Variants in SMARCA4 observed in about 807,000 individuals in gnomAD.
SMARCA4 encodes SWI/SNF related BAF chromatin remodeling complex subunit ATPase 4.
In SMARCA4, 31 loss-of-function variants were observed where a neutral mutation model predicts 193.9. That is an observed-to-expected ratio of 0.16 (90% confidence interval 0.12 to 0.22). The LOEUF (loss-of-function observed/expected upper bound fraction) is 0.22. Ranked by LOEUF, SMARCA4 falls within the 10% of genes least tolerant of loss-of-function variation. The pLI is 1.00. For missense variants in SMARCA4, 1,148 were observed against 2,296.0 expected (o/e 0.50, Z 10.22); for synonymous variants, 942 against 933.1 (o/e 1.01, Z -0.17).
intron 22 of SMARCA4, 30 bp downstream of exon 22, chr19:11,025,538 GC>G (rs770888164): frequency 1.7e-5 from 26 of 1,549,754 alleles, no homozygotes; most frequent in Non-Finnish European, 2.0e-5. Context: ...GACGGCTCAG[GC>G]CCTGCTGTCT....
chr19:11,062,244 A>T lies in SMARCA4; in HGVS notation c.*428A>T. 1 of 282,836 alleles carries T rather than the reference A, an allele frequency of 3.5e-6. No homozygotes were observed. The highest frequency in any genetic ancestry group is 4.8e-5 in the Admixed American group (1 of 20,812). The allele number at this position is 282,836 out of a possible 1,614,324, so 17.5% of individuals were successfully genotyped here. A position where few individuals can be genotyped will look rare whatever the true frequency, so the allele number is the denominator to read the frequency against. ...GGGTATGTCAGTGTCACTGGATGTC[A>T]AACAGTAATAAATTAAACCAACAAC... On this transcript the variant is annotated 3_prime_UTR_variant, in exon 35 of 35. Coordinates refer to ENST00000344626, the MANE Select transcript of SMARCA4 (RefSeq NM_003072.5).
chr19:10,997,300 G>C (rs551398189), intron 11 of SMARCA4, among the ~76,000 whole-genome samples: 2 of 152,076 alleles, frequency 1.3e-5, no homozygotes, highest in African/African-American at 4.8e-5. Flanking sequence ...CTGGGTTCAC[G>C]CCATTCTCCT....
chr19:10,988,073 C>A, intron 6 of SMARCA4, 149 bp downstream of exon 6: 1 of 740,262 alleles, frequency 1.4e-6, no homozygotes. Context: ...CACCTCCCTG[C>A]TCCCACCCTG....
intron 30 of SMARCA4, among the ~76,000 whole-genome samples, chr19:11,042,637 A>C (rs1195732909): frequency 2.0e-5 from 3 of 152,218 alleles, no homozygotes; most frequent in Non-Finnish European, 4.4e-5. Context: ...GAATCTTACC[A>C]AGTGTGAAGT....
chr19:11,002,707 T>C (rs2146084174), intron 11 of SMARCA4, among the ~76,000 whole-genome samples: 1 of 148,530 alleles, frequency 6.7e-6, no homozygotes, highest in South Asian at 2.1e-4. Flanking sequence ...GGCAGAGAAT[T>C]GCTTGAACCC....
At chr19:10,978,708 T>G (rs1239895030) in intron 1 of SMARCA4, among the ~76,000 whole-genome samples, 2 of 151,610 alleles carry the variant, frequency 1.3e-5, no homozygotes, top group South Asian at 4.2e-4. Flanking sequence ...TGGAGGCTGA[T>G]GCAGGTGGAT....
intron 29 of SMARCA4, 123 bp downstream of exon 29, chr19:11,035,255 C>CCA: frequency 2.2e-6 from 2 of 890,558 alleles, no homozygotes; most frequent in Non-Finnish European, 3.6e-6. Flanking sequence ...CACTCCTGGC[C>CCA]AGGCTCCGCA....
intron 30 of SMARCA4, among the ~76,000 whole-genome samples, chr19:11,042,651 A>G (rs1459503663): frequency 1.3e-5 from 2 of 152,228 alleles, no homozygotes; most frequent in East Asian, 1.9e-4. Flanking sequence ...GTGAAGTTTT[A>G]GAGGATGGTA....
In SMARCA4 at chr19:11,033,322, C is replaced by T. The variant is rs200523111; in HGVS notation, c.3579C>T (p.Ile1193=). 20 of 1,613,090 alleles carry T rather than the reference C, an allele frequency of 1.2e-5. No homozygotes were observed. The East Asian group carries it at 3.6e-4, about 29-fold the overall frequency. ...DLQAQDRAHR[I]GQQNEVRVLR... is the part of the protein sequence containing the mutation. ...AAGCGCAGGACCGAGCCCACCGCAT[C>T]GGGCAGCAGAACGAGGTGCGTGTGC... Residue 1193 remains isoleucine (I), a synonymous_variant, in exon 26 of 35, where the codon ATC becomes ATT. Transcript: ENST00000344626. The surrounding 1 kb of genome is among the most constrained non-coding windows in gnomAD (Gnocchi z 9.8).
chr19:10,961,900 A>C (rs1453847050), intron 1 of SMARCA4, among the ~76,000 whole-genome samples: 2 of 150,354 alleles, frequency 1.3e-5, no homozygotes, highest in Non-Finnish European at 3.0e-5. Flanking sequence ...GGTTTTTCAG[A>C]TTAAGGCTTT....
In SMARCA4 at chr19:10,989,223, G is replaced by C. The variant is rs112237790; in HGVS notation, c.1119-94G>C. On this transcript the variant is annotated intron_variant, in intron 6 of 34. Transcript: ENST00000344626. Reference sequence around the variant, plus strand: ...ATCTCTTGCCTCATGACTAGTGCCTGCCTCTCTCGAGGGATGGGTCCCCTG... The same window carrying C: ...ATCTCTTGCCTCATGACTAGTGCCTCCCTCTCTCGAGGGATGGGTCCCCTG... 1,105 of 1,485,380 alleles carry C rather than the reference G, an allele frequency of 7.4e-4. 14 individuals carry two copies. The African/African-American group carries it at 0.013, about 17-fold the overall frequency. 92.0% of individuals were successfully genotyped at this position (1,485,380 alleles called of 1,614,324 possible).
chr19:10,976,471 T>C (rs973936457), intron 1 of SMARCA4, among the ~76,000 whole-genome samples: 7 of 152,054 alleles, frequency 4.6e-5, no homozygotes, highest in Non-Finnish European at 1.0e-4. Flanking sequence ...GCACTGTGGC[T>C]TGGGCTAGGT....
chr19:10,978,617 C>T (rs1041120751), intron 1 of SMARCA4, among the ~76,000 whole-genome samples: 2 of 151,794 alleles, frequency 1.3e-5, no homozygotes, highest in South Asian at 2.1e-4. Context: ...TGAGCCATCA[C>T]GCCCGGCCGA....
At chr19:11,007,843 A>T (rs2146186950) in intron 13 of SMARCA4, 59 bp from the exon 14 acceptor site, 1 of 1,598,492 alleles carries the variant, frequency 6.3e-7, no homozygotes, top group Non-Finnish European at 8.5e-7. Context: ...TCCCCATGGG[A>T]GTCCCGTCCC....
chr19:11,027,292 C>T (rs2090331300), intron 23 of SMARCA4, among the ~76,000 whole-genome samples: 1 of 152,172 alleles, frequency 6.6e-6, no homozygotes, highest in African/African-American at 2.4e-5. Context: ...ATCACGTCGT[C>T]CCCCTGCCAG....
intron 30 of SMARCA4, among the ~76,000 whole-genome samples, chr19:11,045,559 T>C (rs565962521): frequency 2.0e-5 from 3 of 152,164 alleles, no homozygotes; most frequent in African/African-American, 4.8e-5. Flanking sequence ...TACACCTTGG[T>C]TTTTGAAAAG....
At chr19:11,027,698 C>G (rs1000593085) in intron 23 of SMARCA4, 86 bp from the exon 24 acceptor site, 1 of 1,461,184 alleles carries the variant, frequency 6.8e-7, no homozygotes, top group South Asian at 1.1e-5. Flanking sequence ...GGCCTGGAGG[C>G]GGGCGATGCA....
chr19:11,058,424 AC>A lies in SMARCA4; in HGVS notation c.4533+66del. The A allele has an allele frequency of 8.5e-7, 1 of 1,170,570 alleles. No homozygotes were observed. 72.5% of individuals were successfully genotyped at this position (1,170,570 alleles called of 1,614,324 possible). A position where few individuals can be genotyped will look rare whatever the true frequency, so the allele number is the denominator to read the frequency against. ...CCGGAGGGGAGTCTGACCCAGGGGC[AC>A]CCCCATCTGAGAGCTGTGGTGTGTG... On this transcript the variant is annotated intron_variant, in intron 31 of 34. Coordinates refer to ENST00000344626, the MANE Select transcript of SMARCA4 (RefSeq NM_003072.5). The surrounding 1 kb of genome is among the most constrained non-coding windows in gnomAD (Gnocchi z 5.8).
At chr19:10,983,148 G>A (rs918014917) in intron 1 of SMARCA4, among the ~76,000 whole-genome samples, 4 of 152,198 alleles carry the variant, frequency 2.6e-5, no homozygotes, top group Non-Finnish European at 5.9e-5. Context: ...TTCAGCCAGC[G>A]AGGCGGAGAA....
Sources: gnomAD v4.1 joint callset for allele counts (sites outside exome capture counted in the v4.1 genomes callset) on GRCh38, gnomAD v4.1.1 for gene constraint, Gnocchi (gnomAD v3.1) non-coding constraint, MANE v1.5 for transcripts, NCBI Gene and HGNC (gene_info 2026-07-23, HGNC 2026-07-21) for gene names.